The following ZNF337 variants were observed in gnomAD, a reference collection of about 807,000 sequenced individuals.
ZNF337 encodes zinc finger protein 337.
A neutral mutation model predicts 12.1 loss-of-function variants in ZNF337; 8 were observed. That is an observed-to-expected ratio of 0.66 (90% CI 0.39 to 1.19). The LOEUF is 1.19. ZNF337 is among the 50% of genes most tolerant of loss of function. The probability of loss-of-function intolerance (pLI) is 0.01; values close to 1 mark genes in which losing one functional copy is unlikely to be tolerated. For synonymous variants in ZNF337, 336 were observed against 320.0 expected (o/e 1.05, Z -0.53); for missense variants, 882 against 896.6 (o/e 0.98, Z 0.21).
Position 25,676,906 on chromosome 20 carries a change from T to TA in ZNF337, c.381dup (p.Lys128Ter), listed in dbSNP as rs1323851618. 1 of 1,614,198 alleles carries TA rather than the reference T, an allele frequency of 6.2e-7. No homozygotes were observed. On this transcript the variant is annotated frameshift_variant, in exon 5 of 5. Transcript: ENST00000252979. LOFTEE classifies it low-confidence loss of function (END_TRUNC). ...GGTGGGCTGGAAAATGCCATGGGCT[T>TA]AGTGCTTTTTTCTTTCTCTTGACCT...
intron 4 of ZNF337, 117 bp downstream of exon 4, chr20:25,685,450 T>C: frequency 1.3e-6 from 1 of 782,312 alleles, no homozygotes; most frequent in Non-Finnish European, 2.1e-6. Flanking sequence ...GGCCAGGTGG[T>C]CTGAAGAGCA....
intron 4 of ZNF337, among the ~76,000 whole-genome samples, chr20:25,680,154 G>A (rs183156961): frequency 3.1e-4 from 47 of 152,154 alleles, no homozygotes; most frequent in Admixed American, 1.8e-3. Context: ...AGGGAAGGGA[G>A]AACGAAGAGC....
chr20:25,677,252 A>C, intron 4 of ZNF337: 1 of 490,502 alleles, frequency 2.0e-6, no homozygotes, highest in Non-Finnish European at 3.6e-6. Context: ...TGATACCAAA[A>C]CCAGACAAGG....
rs148323465 is a variant in ZNF337 at position 25,684,502 on chromosome 20, T to C, written c.250+1065A>G. Among the ~76,000 whole-genome samples, 1,454 of 152,240 alleles carry C rather than the reference T, an allele frequency of 9.6e-3. 7 individuals are homozygous for C. Among genetic ancestry groups the C allele is most frequent in the Non-Finnish European group, 0.016 (1,068 of 68,014 alleles). Reference sequence around the variant, plus strand: ...AGATGCTTGAGAGGATGTGGAGAAATAGGAATGCTTTTCCTCTGTTGGTGG... The same window carrying C: ...AGATGCTTGAGAGGATGTGGAGAAACAGGAATGCTTTTCCTCTGTTGGTGG... On this transcript the variant is annotated intron_variant, in intron 4 of 4. Transcript: ENST00000252979.
intron 1 of ZNF337, among the ~76,000 whole-genome samples, chr20:25,691,187 G>A (rs976929439): frequency 2.0e-5 from 3 of 152,158 alleles, no homozygotes; most frequent in African/African-American, 7.2e-5. Context: ...GAAAAATTCA[G>A]TAGAGGGATT....
rs370531027 is a variant in ZNF337 at position 25,685,585 on chromosome 20, G to C, written c.232C>G (p.Arg78Gly). 7.5e-5 allele frequency: 121 copies of C among 1,614,116 alleles called. No homozygotes were observed. Among genetic ancestry groups the C allele is most frequent in the Non-Finnish European group, 1.0e-4 (120 of 1,179,960 alleles). Residue 78 changes from arginine (R) to glycine (G), a missense_variant, in exon 4 of 5, where the codon CGG becomes GGG. Arg to Gly is a moderately radical substitution (Grantham distance 125). Coordinates refer to ENST00000252979, the MANE Select transcript of ZNF337 (RefSeq NM_015655.4). ...EVPWGEERRR[R>G]PGPCAGIYAE... Reference sequence around the variant, plus strand: ...CCCTCACCTGCACAGGGGCCTGGCCGGCGTCTTCTCTCTTCTCCCCAGGGC... The same window carrying C: ...CCCTCACCTGCACAGGGGCCTGGCCCGCGTCTTCTCTCTTCTCCCCAGGGC...
In ZNF337 at chr20:25,673,886, C is replaced by T. The variant is rs1358885657; in HGVS notation, c.*1146G>A. On this transcript the variant is annotated 3_prime_UTR_variant, in exon 5 of 5. Coordinates refer to ENST00000252979, the MANE Select transcript of ZNF337 (RefSeq NM_015655.4). ...CTACATTTTCAAAGGCCTGCATCAT[C>T]ACATCTGCCACAGCATTCTCTATCA... 2 of 152,196 alleles carry T rather than the reference C, an allele frequency of 1.3e-5. No homozygotes were observed. Among genetic ancestry groups the T allele is most frequent in the African/African-American group, 2.4e-5 (1 of 41,446 alleles). The allele number at this position is 152,196 out of a possible 1,614,324, so 9.4% of individuals were successfully genotyped here.
Position 25,675,320 on chromosome 20 carries a change from G to A in ZNF337, c.1968C>T (p.Phe656=), listed in dbSNP as rs140114787. 1.1e-4 allele frequency: 172 copies of A among 1,614,030 alleles called. 1 individual carries two copies. The highest frequency in any genetic ancestry group is 6.7e-4 in the South Asian group (61 of 91,076). The part of the protein sequence containing the change: ...HQRTHSGEKP[F]VCNVCGQGFS... ...AGCCTTGCCCACACACATTACACAC[G>A]AAGGGCTTCTCCCCTGAGTGTGTCC... is the stretch of plus-strand genomic sequence containing the variant. Residue 656 remains phenylalanine, a synonymous_variant, in exon 5 of 5, where the codon TTC becomes TTT. Transcript: ENST00000252979.
intron 1 of ZNF337, among the ~76,000 whole-genome samples, chr20:25,691,861 A>G (rs1756852352): frequency 6.6e-6 from 1 of 152,182 alleles, no homozygotes; most frequent in Admixed American, 6.5e-5. Flanking sequence ...TACTGGAGAT[A>G]CAGTCCACGT....
chr20:25,681,635 G>A (rs1232881506), intron 4 of ZNF337, among the ~76,000 whole-genome samples: 1 of 152,126 alleles, frequency 6.6e-6, no homozygotes, highest in African/African-American at 2.4e-5. Flanking sequence ...TTTCTCTGGT[G>A]GACGTGGGGG....
chr20:25,678,299 A>G (rs1420531918), intron 4 of ZNF337, among the ~76,000 whole-genome samples: 1 of 152,212 alleles, frequency 6.6e-6, no homozygotes, highest in East Asian at 1.9e-4. Context: ...AATTGGTACA[A>G]AAAAGTATAT....
chr20:25,674,851 G>A lies in ZNF337; in HGVS notation c.*181C>T. ...CTGGCATCTCTGTTCCCTAAACATT[G>A]ACCTCTTTTCTCTGAATCTCTTGGG... is the stretch of plus-strand genomic sequence containing the variant. On this transcript the variant is annotated 3_prime_UTR_variant, in exon 5 of 5. Coordinates refer to ENST00000252979, the MANE Select transcript of ZNF337 (RefSeq NM_015655.4). 1 of 615,408 alleles carries A rather than the reference G, an allele frequency of 1.6e-6. No homozygotes were observed. Among genetic ancestry groups the A allele is most frequent in the Admixed American group, 3.0e-5 (1 of 33,696 alleles). 38.1% of individuals were successfully genotyped at this position (615,408 alleles called of 1,614,324 possible). A position where few individuals can be genotyped will look rare whatever the true frequency, so the allele number is the denominator to read the frequency against.
In ZNF337 at chr20:25,675,934, T is replaced by A. The variant is rs975218721; in HGVS notation, c.1354A>T (p.Ile452Phe). The change falls in exon 5 of 5, where the codon ATC (isoleucine) becomes TTC (phenylalanine). Residue 452 changes from isoleucine (I) to phenylalanine (F), a missense_variant. Transcript: ENST00000252979. Reference protein sequence around the residue: ...IQKSTLVKHQITHSEEKPFVC... With the variant: ...IQKSTLVKHQFTHSEEKPFVC... ...AAAGGCTTCTCCTCTGAGTGTGTGA[T>A]CTGATGTTTCACAAGGGTTGACTTC... 5 of 1,613,714 alleles carry A rather than the reference T, an allele frequency of 3.1e-6. No homozygotes were observed. Among genetic ancestry groups the A allele is most frequent in the Non-Finnish European group, 4.2e-6 (5 of 1,179,884 alleles).
rs6115256 is a variant in ZNF337 at position 25,686,006 on chromosome 20, C to T, written c.144G>A (p.Leu48=). 125,699 of 1,612,130 alleles carry T rather than the reference C, an allele frequency of 0.078. 5,589 individuals are homozygous for T. The highest frequency in any genetic ancestry group is 0.15 in the African/African-American group (11,250 of 74,890). ...GGAAGCCACGCTTACCTAGTGAGAC[C>T]AGGTGGCTGTAGTTCTCCAGTGTCA... ...REVTLENYSH[L]VSLGILHSKP... The change falls in exon 3 of 5, where the codon CTG becomes CTA. Residue 48 remains leucine, a synonymous_variant. Coordinates refer to ENST00000252979, the MANE Select transcript of ZNF337 (RefSeq NM_015655.4).
chr20:25,683,562 C>T (rs2065793153), intron 4 of ZNF337, among the ~76,000 whole-genome samples: 1 of 151,488 alleles, frequency 6.6e-6, no homozygotes, highest in African/African-American at 2.4e-5. Flanking sequence ...TGAACAGACA[C>T]TCCTCAAAAG....
Position 25,685,557 on chromosome 20 carries a change from A to T in ZNF337, c.250+10T>A. On this transcript the variant is annotated intron_variant, in intron 4 of 4. Coordinates refer to ENST00000252979, the MANE Select transcript of ZNF337 (RefSeq NM_015655.4). ...GCCTTGTGCTCTGTCTGCCCTGTCT[A>T]TCCCCTCACCTGCACAGGGGCCTGG... The T allele has an allele frequency of 6.2e-7, 1 of 1,611,642 alleles. No homozygotes were observed. The highest frequency in any genetic ancestry group is 8.5e-7 in the Non-Finnish European group (1 of 1,177,772).
At chr20:25,695,106 A>G (rs2065909924) in intron 1 of ZNF337, among the ~76,000 whole-genome samples, 1 of 152,136 alleles carries the variant, frequency 6.6e-6, no homozygotes, top group African/African-American at 2.4e-5. Flanking sequence ...CCCCATCTCT[A>G]CTAAAAATAC....
chr20:25,684,493 G>T (rs888170199), intron 4 of ZNF337, among the ~76,000 whole-genome samples: 3 of 152,198 alleles, frequency 2.0e-5, no homozygotes, highest in Non-Finnish European at 2.9e-5. Flanking sequence ...TTGAGAGGAT[G>T]TGGAGAAATA....
At chr20:25,686,614 G>C (rs1258476786) in intron 1 of ZNF337, 148 bp from the exon 2 acceptor site, 38 of 599,230 alleles carry the variant, frequency 6.3e-5, no homozygotes, top group Non-Finnish European at 1.1e-4. Context: ...GGTCTAGGGA[G>C]CCAGGCTCCC....
Sources: gnomAD v4.1 joint callset for allele counts (sites outside exome capture counted in the v4.1 genomes callset) on GRCh38, gnomAD v4.1.1 for gene constraint, MANE v1.5 for transcripts, NCBI Gene and HGNC (gene_info 2026-07-23, HGNC 2026-07-21) for gene names.